ACACA: variants seen among roughly 807,000 people sequenced by gnomAD.
ACACA encodes the protein acetyl-CoA carboxylase 1.
ACACA carries 103 observed loss-of-function variants against 296.1 expected under a neutral mutation model. The observed-to-expected ratio is 0.35, with a 90% CI of 0.30 to 0.41. ACACA has a LOEUF of 0.41. Ranked by LOEUF, ACACA falls within the 10% of genes least tolerant of loss-of-function variation. ACACA has a pLI of 1.00. For missense variants in ACACA, 1,554 were observed against 2,989.7 expected (o/e 0.52, Z 11.20); for synonymous variants, 953 against 1,038.6 (o/e 0.92, Z 1.58).
chr17:37,117,725 A>G (rs896966489), intron 50 of ACACA, among the ~76,000 whole-genome samples: 2 of 151,842 alleles, frequency 1.3e-5, no homozygotes, highest in Non-Finnish European at 2.9e-5. Context: ...CCATCTTGAC[A>G]TGCTTTTATT....
At chr17:37,145,328 T>G (rs1176359645) in intron 45 of ACACA, among the ~76,000 whole-genome samples, 1 of 152,154 alleles carries the variant, frequency 6.6e-6, no homozygotes, top group Non-Finnish European at 1.5e-5. Context: ...CAGGCCAGCA[T>G]GACTCCCTTC....
Position 37,097,276 on chromosome 17 carries a change from G to A in ACACA, c.6721-110C>T. ...TGATTCTCCAGGCAAGCCCTTCACA[G>A]ACCCAAGAGCTGGCTGTAAACTCCT... On this transcript the variant is annotated intron_variant, in intron 53 of 55. Transcript: ENST00000616317. This position sits in a 1 kb window ranked among gnomAD's most constrained non-coding sequence, Gnocchi z 4.8. The A allele has an allele frequency of 7.7e-7, 1 of 1,291,098 alleles. No homozygotes were observed. Among genetic ancestry groups the A allele is most frequent in the Non-Finnish European group, 1.1e-6 (1 of 922,096 alleles). The allele number at this position is 1,291,098 out of a possible 1,614,324, so 80.0% of individuals were successfully genotyped here.
At chr17:37,228,139 T>G (rs1023287544) in intron 25 of ACACA, among the ~76,000 whole-genome samples, 2 of 150,980 alleles carry the variant, frequency 1.3e-5, no homozygotes, top group East Asian at 3.9e-4. Flanking sequence ...AACCCCTACC[T>G]TCCACATCAC....
At chr17:37,397,921 G>A (rs926545435) in intron 1 of ACACA, among the ~76,000 whole-genome samples, 2 of 151,888 alleles carry the variant, frequency 1.3e-5, no homozygotes, top group African/African-American at 2.4e-5. Context: ...AAAAGGCAGT[G>A]GGCACAAATA....
At chr17:37,321,395 C>G (rs2047347678) in intron 3 of ACACA, among the ~76,000 whole-genome samples, 2 of 152,150 alleles carry the variant, frequency 1.3e-5, no homozygotes, top group Non-Finnish European at 2.9e-5. Flanking sequence ...GAGGCCAAGG[C>G]AGGTGGATCA....
rs60487601 is a variant in ACACA at position 37,218,147 on chromosome 17, C to CAAAA, written c.3683+3573_3683+3576dup. On this transcript the variant is annotated intron_variant, in intron 29 of 55. Transcript: ENST00000616317. ...CTCTCTCCACGGGCACTACCAGTAA[C>CAAAA]AAAAAAAAAAAAAAAAAAAAGAGGG... Among the ~76,000 whole-genome samples, 403 of 116,110 alleles carry CAAAA rather than the reference C, an allele frequency of 3.5e-3. 8 individuals carry two copies. Among genetic ancestry groups the CAAAA allele is most frequent in the African/African-American group, 9.3e-3 (268 of 28,860 alleles). The allele number at this position is 116,110 out of a possible 152,430, so 76.2% of individuals were successfully genotyped here.
chr17:37,396,243 G>A (rs2051076464), intron 1 of ACACA, among the ~76,000 whole-genome samples: 1 of 151,710 alleles, frequency 6.6e-6, no homozygotes, highest in African/African-American at 2.4e-5. Flanking sequence ...GGGAGGCTGA[G>A]GCAGGAGAAT....
intron 52 of ACACA, among the ~76,000 whole-genome samples, chr17:37,101,589 T>G (rs1470964618): frequency 6.6e-6 from 1 of 152,238 alleles, no homozygotes; most frequent in African/African-American, 2.4e-5. Flanking sequence ...CACTGTTAGC[T>G]GTCTCTTCTC....
chr17:37,340,328 T>A (rs999074164), intron 1 of ACACA, among the ~76,000 whole-genome samples: 13 of 152,168 alleles, frequency 8.5e-5, no homozygotes, highest in Non-Finnish European at 1.6e-4. Flanking sequence ...GATCAAACAG[T>A]CTCTAGCAAC....
chr17:37,279,787 G>A (rs1320471514), intron 5 of ACACA, among the ~76,000 whole-genome samples: 1 of 152,094 alleles, frequency 6.6e-6, no homozygotes, highest in Non-Finnish European at 1.5e-5. Context: ...CTCCAGCCTG[G>A]GGGACAGAGT....
chr17:37,220,236 C>T (rs991086374), intron 29 of ACACA, among the ~76,000 whole-genome samples: 1 of 152,102 alleles, frequency 6.6e-6, no homozygotes, highest in Non-Finnish European at 1.5e-5. Flanking sequence ...CCAACATTCC[C>T]TCACCAAACT....
intron 3 of ACACA, among the ~76,000 whole-genome samples, chr17:37,285,821 T>A (rs2146627734): frequency 6.6e-6 from 1 of 151,990 alleles, no homozygotes; most frequent in African/African-American, 2.4e-5. Flanking sequence ...CAGAATGAGA[T>A]GGGTGTCTCA....
Position 37,244,639 on chromosome 17 carries a change from C to T in ACACA, c.2691G>A (p.Leu897=). 1 of 1,614,128 alleles carries T rather than the reference C, an allele frequency of 6.2e-7. No individual in the cohort carries two copies. Among genetic ancestry groups the T allele is most frequent in the Non-Finnish European group, 8.5e-7 (1 of 1,179,994 alleles). Residue 897 remains leucine, a synonymous_variant, in exon 21 of 56, where the codon CTG becomes CTA. Coordinates refer to ENST00000616317, the MANE Select transcript of ACACA (RefSeq NM_198834.3). ...GGCAGTATCCATTCATTACATTGACCAGATTATCCAGGACATAATGGAACA... is the reference window on the plus strand; with the variant it reads ...GGCAGTATCCATTCATTACATTGACTAGATTATCCAGGACATAATGGAACA... The part of the protein sequence containing the change: ...HRVFHYVLDN[L]VNVMNGYCLP...
At chr17:37,224,660 T>C (rs1308373326) in intron 27 of ACACA, among the ~76,000 whole-genome samples, 2 of 152,062 alleles carry the variant, frequency 1.3e-5, no homozygotes, top group Non-Finnish European at 1.5e-5. Flanking sequence ...TGTGTATATA[T>C]ATATATATAT....
At chr17:37,141,148 G>T in intron 45 of ACACA, 1 of 507,338 alleles carries the variant, frequency 2.0e-6, no homozygotes. Context: ...CTTCTGCACT[G>T]GCATAATCTT....
chr17:37,227,696 T>C (rs1228591990), intron 25 of ACACA, among the ~76,000 whole-genome samples: 1 of 151,950 alleles, frequency 6.6e-6, no homozygotes, highest in African/African-American at 2.4e-5. Flanking sequence ...CCGTCTCTAC[T>C]AAAAATACAA....
At chr17:37,205,344 T>C (rs2078448915) in intron 33 of ACACA, among the ~76,000 whole-genome samples, 1 of 151,900 alleles carries the variant, frequency 6.6e-6, no homozygotes, top group Non-Finnish European at 1.5e-5. Flanking sequence ...ACAGGAGATA[T>C]CCAAGTGACG....
intron 24 of ACACA, among the ~76,000 whole-genome samples, chr17:37,240,068 C>T (rs929577459): frequency 6.6e-6 from 1 of 152,222 alleles, no homozygotes; most frequent in African/African-American, 2.4e-5. Flanking sequence ...CCTGAACTTG[C>T]TCTTCCTAGA....
At chr17:37,359,066 G>A (rs1235080302) in intron 1 of ACACA, 1 of 985,880 alleles carries the variant, frequency 1.0e-6, no homozygotes, top group Non-Finnish European at 1.2e-6. Context: ...CTGGGCGGGA[G>A]GAGACGCCGG....
Sources: gnomAD v4.1 joint callset for allele counts (sites outside exome capture counted in the v4.1 genomes callset) on GRCh38, gnomAD v4.1.1 for gene constraint, Gnocchi (gnomAD v3.1) non-coding constraint, MANE v1.5 for transcripts, NCBI Gene and HGNC (gene_info 2026-07-23, HGNC 2026-07-21) for gene names.